The following PKHD1 variants were observed in gnomAD, a reference collection of about 807,000 sequenced individuals.
PKHD1 encodes the protein PKHD1 ciliary IPT domain containing fibrocystin/polyductin.
In PKHD1, 291 loss-of-function variants were observed where a neutral mutation model predicts 412.0. The observed-to-expected ratio is 0.71, with a 90% CI of 0.64 to 0.78. PKHD1 has a LOEUF of 0.78. Among genes scored for constraint, PKHD1 ranks in the 30% least tolerant of loss-of-function variants. The probability of loss-of-function intolerance (pLI) is 0.00; values close to 1 mark genes in which losing one functional copy is unlikely to be tolerated. For missense variants in PKHD1, 4,825 were observed against 4,950.7 expected, an observed-to-expected ratio of 0.97 and a Z score of 0.76; for synonymous variants, 1,777 against 1,821.5, an observed-to-expected ratio of 0.98 and a Z score of 0.62.
At chr6:51,960,192 A>C (rs181319653) in intron 35 of PKHD1, among the ~76,000 whole-genome samples, 166 bp from the exon 36 acceptor site, 219 of 152,250 alleles carry the variant, frequency 1.4e-3, no homozygotes, top group Non-Finnish European at 2.3e-3. Flanking sequence ...AAGTAAAATT[A>C]ATTTAAATAT....
At position 51,882,261 on chromosome 6, in the gene PKHD1, A is replaced by T. The variant is rs576490710; in HGVS notation, c.7350+832T>A. Among the ~76,000 whole-genome samples the T allele has an allele frequency of 2.6e-5, 4 of 152,324 alleles. No homozygotes were observed. In the East Asian group the frequency reaches 7.7e-4, roughly 29 times the overall value. On this transcript the variant is annotated intron_variant, in intron 46 of 66. Transcript: ENST00000371117. ...TGGTAATCCTTTTAGAGGGAAAAAA[A>T]AACTGGCACTTATTTATCTCCTGAA...
intron 52 of PKHD1, among the ~76,000 whole-genome samples, chr6:51,791,702 G>T (rs901325891): frequency 6.6e-6 from 1 of 152,110 alleles, no homozygotes; most frequent in African/African-American, 2.4e-5. Flanking sequence ...CTTCACTTTT[G>T]GCTCTAGTTT....
rs568757390 is a variant in PKHD1, at chr6:51,735,430, G to A, written c.10156+8955C>T. Among the ~76,000 whole-genome samples, 9 of 152,248 alleles carry A rather than the reference G, an allele frequency of 5.9e-5. No homozygotes were observed. The South Asian group carries it at 1.7e-3, about 28-fold the overall frequency. On this transcript the variant is annotated intron_variant, in intron 60 of 66. Coordinates refer to ENST00000371117, the MANE Select transcript of PKHD1 (RefSeq NM_138694.4). ...AATGCCTGGCACATGGAATGCACTAGATAATGGCAATTATTATTATTGCTA... is the reference window on the plus strand; with the variant it reads ...AATGCCTGGCACATGGAATGCACTAAATAATGGCAATTATTATTATTGCTA...
chr6:51,939,227 A>C (rs965595773), intron 36 of PKHD1, among the ~76,000 whole-genome samples: 1 of 149,092 alleles, frequency 6.7e-6, no homozygotes, highest in South Asian at 2.1e-4. Context: ...GAACCCCCCC[A>C]ACCCCTTCTC....
chr6:52,039,353 T>A (rs1804460367), intron 27 of PKHD1, among the ~76,000 whole-genome samples: 1 of 152,136 alleles, frequency 6.6e-6, no homozygotes, highest in Non-Finnish European at 1.5e-5. Context: ...GGGGCAGATT[T>A]CCCCCTTGCT....
Position 52,050,261 on chromosome 6 carries a change from CCCT to C in PKHD1, c.2172_2174del (p.Gly726del), listed in dbSNP as rs763682158. 54 of 1,614,044 alleles carry C rather than the reference CCCT, an allele frequency of 3.3e-5. 1 individual carries two copies. The South Asian group carries it at 5.6e-4, about 17-fold the overall frequency. On this transcript the variant is annotated inframe_deletion, in exon 22 of 67. Coordinates refer to ENST00000371117, the MANE Select transcript of PKHD1 (RefSeq NM_138694.4). The stretch of plus-strand genomic sequence containing the variant: ...CAGAGACTGATTCCACCAGATTGCC[CCCT>C]GGGCGAGCCGTTCCAGAATCAGCTT...
At chr6:51,895,979 C>T (rs982683130) in intron 43 of PKHD1, among the ~76,000 whole-genome samples, 22 of 152,172 alleles carry the variant, frequency 1.4e-4, no homozygotes, top group Non-Finnish European at 2.6e-4. Context: ...AAACGGCACA[C>T]CACAAGATTA....
chr6:51,774,317 T>C (rs1022012433), intron 54 of PKHD1, among the ~76,000 whole-genome samples: 7 of 152,012 alleles, frequency 4.6e-5, no homozygotes, highest in Non-Finnish European at 7.4e-5. Flanking sequence ...AATACTTCAT[T>C]CTTTATTTCA....
intron 43 of PKHD1, among the ~76,000 whole-genome samples, chr6:51,900,181 T>C (rs1174471401): frequency 2.0e-5 from 3 of 152,122 alleles, no homozygotes; most frequent in African/African-American, 7.2e-5. Flanking sequence ...TTAAAGTTCA[T>C]ATGGAACCAA....
chr6:51,883,132 T>G lies in PKHD1; in HGVS notation c.7311A>C (p.Ser2437=). 1 of 1,613,006 alleles carries G rather than the reference T, an allele frequency of 6.2e-7. No homozygotes were observed. ...GACCAAGTAATAAGCTGTCAGTAAC[T>G]GAAGTATTTGCATCACTTTCCAAGA... is the stretch of plus-strand genomic sequence containing the variant. The part of the protein sequence containing the change: ...IDVLESDANT[S]VTDSLLLGHF... Residue 2437 remains serine (S), a synonymous_variant, in exon 46 of 67, where the codon TCA becomes TCC. Transcript: ENST00000371117.
chr6:51,744,516 G>A lies in PKHD1; in HGVS notation c.10025C>T (p.Pro3342Leu). ...PRKDLGKVVC[P>L]ELDCASPRKY... ...TCTTGGACTTGCACAGTCTAATTCAGGACAGACTACTTTTCCTAAATCTTT... is the reference window on the plus strand; with the variant it reads ...TCTTGGACTTGCACAGTCTAATTCAAGACAGACTACTTTTCCTAAATCTTT... The change falls in exon 60 of 67, where the codon CCT becomes CTT. Residue 3342 changes from proline to leucine, a missense_variant. Physicochemically the swap from Pro to Leu is moderately conservative, Grantham distance 98. Coordinates refer to ENST00000371117, the MANE Select transcript of PKHD1 (RefSeq NM_138694.4). 6.2e-7 allele frequency: 1 copy of A among 1,613,168 alleles called. No homozygotes were observed. Among genetic ancestry groups the A allele is most frequent in the Non-Finnish European group, 8.5e-7 (1 of 1,179,210 alleles).
intron 66 of PKHD1, among the ~76,000 whole-genome samples, chr6:51,625,491 G>C (rs886453087): frequency 1.3e-5 from 2 of 152,050 alleles, no homozygotes; most frequent in East Asian, 3.8e-4. Flanking sequence ...AGGAGGATTC[G>C]GATAACACAT....
chr6:51,905,594 G>A (rs999084637), intron 41 of PKHD1, among the ~76,000 whole-genome samples: 2 of 152,112 alleles, frequency 1.3e-5, no homozygotes, highest in Admixed American at 6.6e-5. Context: ...AACAAGACAA[G>A]TTTACAGAAG....
chr6:51,758,881 A>T (rs1787513518), intron 55 of PKHD1, among the ~76,000 whole-genome samples: 1 of 152,218 alleles, frequency 6.6e-6, no homozygotes, highest in Admixed American at 6.5e-5. Context: ...TTTTACAAAA[A>T]TGTGTAAGAC....
At chr6:52,043,272 A>G in intron 26 of PKHD1, 138 bp from the exon 27 acceptor site, 1 of 693,034 alleles carries the variant, frequency 1.4e-6, no homozygotes, top group Admixed American at 2.7e-5. Flanking sequence ...CTGAATGCTG[A>G]ATTAAATATT....
At chr6:51,942,542 C>T (rs1788756337) in intron 36 of PKHD1, among the ~76,000 whole-genome samples, 2 of 151,664 alleles carry the variant, frequency 1.3e-5, no homozygotes, top group African/African-American at 2.4e-5. Context: ...GCAATTACCA[C>T]TGTTCCTGGC....
chr6:51,856,190 GCCC>G (rs752343375), intron 48 of PKHD1, 120 bp from the exon 49 acceptor site: 56 of 743,336 alleles, frequency 7.5e-5, no homozygotes, highest in Middle Eastern at 3.6e-4. Context: ...TATGTCTTAG[GCCC>G]TCTTTAGTTG....
At chr6:51,822,494 T>C (rs1766603025) in intron 52 of PKHD1, among the ~76,000 whole-genome samples, 1 of 152,154 alleles carries the variant, frequency 6.6e-6, no homozygotes, top group Non-Finnish European at 1.5e-5. Context: ...TAAATTAGCA[T>C]TGCCCTAAGA....
At chr6:51,922,015 AT>A (rs1583385323) in intron 37 of PKHD1, among the ~76,000 whole-genome samples, 2 of 152,142 alleles carry the variant, frequency 1.3e-5, no homozygotes, top group African/African-American at 4.8e-5. Flanking sequence ...AGGCACTCTG[AT>A]TTTTAGAATT....
Sources: gnomAD v4.1 joint callset for allele counts (sites outside exome capture counted in the v4.1 genomes callset) on GRCh38, gnomAD v4.1.1 for gene constraint, MANE v1.5 for transcripts, NCBI Gene and HGNC (gene_info 2026-07-23, HGNC 2026-07-21) for gene names.